OLFM2: variants seen among roughly 807,000 people sequenced by gnomAD.
The protein encoded by OLFM2 is noelin-2.
OLFM2 carries 20 observed loss-of-function variants against 43.9 expected under a neutral mutation model. That is an observed-to-expected ratio of 0.46 (90% confidence interval 0.32 to 0.66). The LOEUF is 0.66. OLFM2 is among the 30% of genes least tolerant of loss of function. The pLI, the probability that OLFM2 is intolerant of heterozygous loss-of-function variation, is 0.04. For missense variants in OLFM2, 416 were observed against 643.6 expected (o/e 0.65, Z 3.83); for synonymous variants, 268 against 278.6 (o/e 0.96, Z 0.38).
intron 2 of OLFM2, 124 bp downstream of exon 2, chr19:9,860,521 C>A (rs1599465630): frequency 1.0e-6 from 1 of 956,912 alleles, no homozygotes; most frequent in Non-Finnish European, 1.5e-6. Flanking sequence ...GCTGGATTAT[C>A]AGCCAGCTCT....
intron 1 of OLFM2, among the ~76,000 whole-genome samples, chr19:9,889,897 C>T (rs1304678711): frequency 1.3e-5 from 2 of 150,528 alleles, no homozygotes; most frequent in Non-Finnish European, 3.0e-5. Flanking sequence ...TATTTATAGA[C>T]GAATCCTGGT....
At position 9,862,657 on chromosome 19, in the gene OLFM2, G is replaced by A. The variant is rs1264680931; in HGVS notation, c.64-1863C>T. The stretch of plus-strand genomic sequence containing the variant: ...GGCTGTGCCACTGCACTCCAGCCTG[G>A]GTGACAGAGTGAGACCCCATCTCTT... On this transcript the variant is annotated intron_variant, in intron 1 of 5. Coordinates refer to ENST00000264833, the MANE Select transcript of OLFM2 (RefSeq NM_058164.4). 2.0e-5 allele frequency among the ~76,000 whole-genome samples: 3 copies of A among 151,538 alleles called. No individual in the cohort carries two copies. The East Asian group carries it at 5.8e-4, about 29-fold the overall frequency.
intron 1 of OLFM2, among the ~76,000 whole-genome samples, chr19:9,931,687 T>A (rs2086482670): frequency 7.0e-6 from 1 of 143,360 alleles, no homozygotes; most frequent in Non-Finnish European, 1.5e-5. Flanking sequence ...CCAGCATGGG[T>A]GACAGAACAA....
At chr19:9,886,445 G>T (rs2046587590) in intron 1 of OLFM2, among the ~76,000 whole-genome samples, 1 of 152,002 alleles carries the variant, frequency 6.6e-6, no homozygotes, top group Non-Finnish European at 1.5e-5. Context: ...GACCTCAGGT[G>T]ATCTGCCCAC....
chr19:9,925,980 T>A lies in OLFM2; in HGVS notation c.63+10324A>T, dbSNP rs191085091. 1.3e-3 allele frequency among the ~76,000 whole-genome samples: 196 copies of A among 149,810 alleles called. 1 individual carries two copies. Among genetic ancestry groups the A allele is most frequent in the African/African-American group, 4.5e-3 (184 of 41,002 alleles). On this transcript the variant is annotated intron_variant, in intron 1 of 5. Transcript: ENST00000264833. ...CAAGACCCCATCTCTACAGAAAAAATTTAAGAATTAGCCAGCCGTGGTGGC... is the reference window on the plus strand; with the variant it reads ...CAAGACCCCATCTCTACAGAAAAAAATTAAGAATTAGCCAGCCGTGGTGGC...
chr19:9,915,779 A>G (rs1181860224), intron 1 of OLFM2, among the ~76,000 whole-genome samples: 3 of 152,082 alleles, frequency 2.0e-5, no homozygotes, highest in Admixed American at 6.5e-5. Flanking sequence ...CGGCCTCCCA[A>G]AGTGCTGGAA....
chr19:9,865,031 T>C (rs904967732), intron 1 of OLFM2, among the ~76,000 whole-genome samples: 5 of 152,078 alleles, frequency 3.3e-5, no homozygotes, highest in African/African-American at 1.2e-4. Context: ...ATACCTGCAC[T>C]TAAATCCTCC....
In OLFM2 at chr19:9,853,747, C is replaced by A; in HGVS notation, c.*439G>T. The A allele has an allele frequency of 2.5e-6, 1 of 407,106 alleles. No individual in the cohort carries two copies. The allele number at this position is 407,106 out of a possible 1,614,324, so 25.2% of individuals were successfully genotyped here. ...ATGTCAAAGGTCCTGTTTATTCCGG[C>A]AAACCGGAAAGAAAAAGTGTAAATA... On this transcript the variant is annotated 3_prime_UTR_variant, in exon 6 of 6. Coordinates refer to ENST00000264833, the MANE Select transcript of OLFM2 (RefSeq NM_058164.4).
chr19:9,854,607 T>C lies in OLFM2; in HGVS notation c.944A>G (p.Tyr315Cys). The change falls in exon 6 of 6, where the codon TAC becomes TGC. Residue 315 changes from tyrosine to cysteine, a missense_variant. Physicochemically the swap from Tyr to Cys is radical, Grantham distance 194. Transcript: ENST00000264833. The surrounding 1 kb of genome is among the most constrained non-coding windows in gnomAD (Gnocchi z 9.5). ...CATGTCGGAGAAGCCGCCCCAGGAG[T>C]AGGGGAAGGTGTTGTTGTAACCGGC... ...PGAGYNNTFP[Y>C]SWGGFSDMDF... The C allele has an allele frequency of 6.2e-7, 1 of 1,613,452 alleles. No homozygotes were observed. Among genetic ancestry groups the C allele is most frequent in the Non-Finnish European group, 8.5e-7 (1 of 1,179,886 alleles).
At chr19:9,887,656 C>T (rs1305682560) in intron 1 of OLFM2, among the ~76,000 whole-genome samples, 1 of 152,022 alleles carries the variant, frequency 6.6e-6, no homozygotes, top group Admixed American at 6.6e-5. Context: ...CTGCTTCCCC[C>T]ACAGCAGCCA....
At chr19:9,924,889 GAT>G (rs60738328) in intron 1 of OLFM2, among the ~76,000 whole-genome samples, 24,386 of 147,464 alleles carry the variant, frequency 0.17, 5,726 homozygotes, top group African/African-American at 0.53. Context: ...ATATATATGT[GAT>G]ATATATATAT....
intron 1 of OLFM2, among the ~76,000 whole-genome samples, chr19:9,900,225 G>A (rs1599488706): frequency 6.6e-6 from 1 of 152,104 alleles, no homozygotes; most frequent in East Asian, 1.9e-4. Flanking sequence ...AATGAAGAGA[G>A]GTGTCAGGGA....
chr19:9,860,294 A>G lies in OLFM2; in HGVS notation c.213+351T>C, dbSNP rs544615978. On this transcript the variant is annotated intron_variant, in intron 2 of 5. Coordinates refer to ENST00000264833, the MANE Select transcript of OLFM2 (RefSeq NM_058164.4). ...GGAGATTGAGACCAGCCTGGGCAAC[A>G]TAGGGAGACCCCGTCTCCACAAAAA... is the stretch of plus-strand genomic sequence containing the variant. Among the ~76,000 whole-genome samples the G allele has an allele frequency of 2.6e-5, 4 of 152,216 alleles. No homozygotes were observed. The South Asian group carries it at 6.2e-4, about 24-fold the overall frequency.
chr19:9,920,064 A>G (rs1203916320), intron 1 of OLFM2, among the ~76,000 whole-genome samples: 1 of 151,324 alleles, frequency 6.6e-6, no homozygotes, highest in Non-Finnish European at 1.5e-5. Flanking sequence ...TTGGCCTCCC[A>G]AAGTGCTAGG....
intron 1 of OLFM2, among the ~76,000 whole-genome samples, chr19:9,915,242 T>C (rs867125278): frequency 3.8e-5 from 2 of 52,152 alleles, no homozygotes; most frequent in Non-Finnish European, 9.8e-5. Flanking sequence ...TCTCTCTCTT[T>C]TTTTTTTTTT....
intron 1 of OLFM2, among the ~76,000 whole-genome samples, chr19:9,874,592 T>C (rs1473780216): frequency 6.6e-6 from 1 of 152,164 alleles, no homozygotes. Context: ...GCGATTCTCC[T>C]GCCTCAGCCT....
At chr19:9,865,715 C>T (rs866793586) in intron 1 of OLFM2, among the ~76,000 whole-genome samples, 16 of 151,182 alleles carry the variant, frequency 1.1e-4, no homozygotes, top group Admixed American at 8.6e-4. Context: ...TGGTCTTGAA[C>T]TCCTGACCTC....
At chr19:9,919,195 C>G (rs1011548638) in intron 1 of OLFM2, among the ~76,000 whole-genome samples, 1 of 129,790 alleles carries the variant, frequency 7.7e-6, no homozygotes, top group Admixed American at 7.4e-5. Context: ...GAGATGGAGT[C>G]TCGCTCTGTC....
At chr19:9,925,596 A>C (rs1377470277) in intron 1 of OLFM2, among the ~76,000 whole-genome samples, 1 of 151,624 alleles carries the variant, frequency 6.6e-6, no homozygotes, top group Non-Finnish European at 1.5e-5. Flanking sequence ...CCACAGGCAC[A>C]GCTAATTTTT....
Sources: allele counts gnomAD v4.1 joint callset (sites outside exome capture counted in the v4.1 genomes callset), GRCh38; gene constraint gnomAD v4.1.1; non-coding constraint Gnocchi (gnomAD v3.1); transcripts MANE v1.5; gene names NCBI Gene and HGNC (gene_info 2026-07-23, HGNC 2026-07-21).